The following RHPN2 variants were observed in gnomAD, a reference collection of about 807,000 sequenced individuals.
The protein encoded by RHPN2 is rhophilin-2.
A neutral mutation model predicts 79.0 loss-of-function variants in RHPN2; 40 were observed. The ratio of observed to expected loss-of-function variants is 0.51; its 90% confidence interval spans 0.39 to 0.66. RHPN2 has a LOEUF of 0.66. Among genes scored for constraint, RHPN2 ranks in the 30% least tolerant of loss-of-function variants. The probability of loss-of-function intolerance (pLI) is 0.00; values close to 1 mark genes in which losing one functional copy is unlikely to be tolerated. For synonymous variants in RHPN2, 285 were observed against 363.5 expected (o/e 0.78, Z 2.46); for missense variants, 686 against 883.5 (o/e 0.78, Z 2.83).
chr19:33,007,074 A>G (rs201752225), intron 7 of RHPN2, among the ~76,000 whole-genome samples: 13 of 149,994 alleles, frequency 8.7e-5, no homozygotes, highest in African/African-American at 2.0e-4. Context: ...TAAAATAACA[A>G]AAGACAGTTC....
intron 14 of RHPN2, among the ~76,000 whole-genome samples, chr19:32,985,119 C>G (rs1325365295): frequency 1.3e-5 from 2 of 152,004 alleles, no homozygotes; most frequent in Non-Finnish European, 2.9e-5. Context: ...CTGCCTTGGC[C>G]TCCCAAGTAG....
chr19:32,992,069 G>A, intron 12 of RHPN2, 100 bp from the exon 13 acceptor site: 1 of 1,369,178 alleles, frequency 7.3e-7, no homozygotes, highest in Non-Finnish European at 1.0e-6. Context: ...ATCTCACTTG[G>A]CCTTGTTCAG....
intron 1 of RHPN2, among the ~76,000 whole-genome samples, chr19:33,059,998 C>T (rs1972266174): frequency 6.6e-6 from 1 of 152,210 alleles, no homozygotes; most frequent in African/African-American, 2.4e-5. Flanking sequence ...GCCAGGGCGC[C>T]TGCATGGCTG....
At chr19:33,038,289 G>A (rs1198525147) in intron 2 of RHPN2, among the ~76,000 whole-genome samples, 3 of 147,254 alleles carry the variant, frequency 2.0e-5, no homozygotes, top group East Asian at 4.1e-4. Context: ...GCAACAGAGC[G>A]AGACTCCATC....
chr19:33,006,075 T>G (rs1277672713), intron 7 of RHPN2, among the ~76,000 whole-genome samples: 1 of 152,060 alleles, frequency 6.6e-6, no homozygotes, highest in Non-Finnish European at 1.5e-5. Context: ...AGATGGAGTT[T>G]CGCCTTGTTG....
Position 33,002,380 on chromosome 19 carries a change from T to G in RHPN2, c.972A>C (p.Leu324=), listed in dbSNP as rs111874996. 1.2e-5 allele frequency: 19 copies of G among 1,613,380 alleles called. 1 individual carries two copies. The South Asian group carries it at 2.0e-4, about 17-fold the overall frequency. Reference sequence around the variant, plus strand: ...CCGGCGCCTGGCTCATGGCTGCGTGTAGCTGTTGGTAGACCTCTCCCACCT... The same window carrying G: ...CCGGCGCCTGGCTCATGGCTGCGTGGAGCTGTTGGTAGACCTCTCCCACCT... ...AAKVGEVYQQ[L]HAAMSQAPVK... Residue 324 remains leucine (L), a synonymous_variant, in exon 9 of 15, where the codon CTA becomes CTC. Coordinates refer to ENST00000254260, the MANE Select transcript of RHPN2 (RefSeq NM_033103.5).
At chr19:33,018,962 C>T (rs1220550797) in intron 4 of RHPN2, among the ~76,000 whole-genome samples, 1 of 144,428 alleles carries the variant, frequency 6.9e-6, no homozygotes, top group African/African-American at 2.6e-5. Flanking sequence ...ACCTGGGAGG[C>T]GGAGGTTGCA....
At chr19:33,020,098 G>A (rs139184229) in intron 4 of RHPN2, among the ~76,000 whole-genome samples, 14 of 152,050 alleles carry the variant, frequency 9.2e-5, no homozygotes, top group Admixed American at 2.0e-4. Context: ...CAAAGGCCCC[G>A]CAGGCAGGGC....
At position 33,036,186 on chromosome 19, in the gene RHPN2, A is replaced by AT. The variant is rs530097897; in HGVS notation, c.185+8062dup. Reference sequence around the variant, plus strand: ...CAAAATATAGTAAGAAAGAAAATTAATTTTTTTTTTTTTTTTTGGTGACGG... The same window carrying AT: ...CAAAATATAGTAAGAAAGAAAATTAATTTTTTTTTTTTTTTTTTGGTGACGG... On this transcript the variant is annotated intron_variant, in intron 2 of 14. Transcript: ENST00000254260. Among the ~76,000 whole-genome samples, 1,021 of 139,656 alleles carry AT rather than the reference A, an allele frequency of 7.3e-3. 3 individuals are homozygous for AT. The highest frequency in any genetic ancestry group is 0.013 in the South Asian group (57 of 4,390). 91.6% of individuals were successfully genotyped at this position (139,656 alleles called of 152,430 possible). A position where few individuals can be genotyped will look rare whatever the true frequency, so the allele number is the denominator to read the frequency against.
At chr19:33,041,671 C>T (rs2145261117) in intron 2 of RHPN2, among the ~76,000 whole-genome samples, 1 of 152,320 alleles carries the variant, frequency 6.6e-6, no homozygotes, top group East Asian at 1.9e-4. Flanking sequence ...TCCCTGCTCA[C>T]AGGGGCCTCT....
At chr19:33,035,568 C>A (rs1001479225) in intron 2 of RHPN2, among the ~76,000 whole-genome samples, 2 of 152,118 alleles carry the variant, frequency 1.3e-5, no homozygotes, top group Admixed American at 1.3e-4. Context: ...TCAACCCTGG[C>A]GTCTGAGCTT....
At chr19:32,994,804 A>T (rs11665806) in intron 11 of RHPN2, among the ~76,000 whole-genome samples, 17,674 of 151,730 alleles carry the variant, frequency 0.12, 1,698 homozygotes, top group African/African-American at 0.27. Context: ...TCTACTAAAA[A>T]TACAAAAAAT....
chr19:33,012,520 T>G lies in RHPN2; in HGVS notation c.468+127A>C, dbSNP rs1971843435. 6.5e-6 allele frequency: 5 copies of G among 765,560 alleles called. No homozygotes were observed. The African/African-American group carries it at 6.8e-5, about 10-fold the overall frequency. The allele number at this position is 765,560 out of a possible 1,614,324, so 47.4% of individuals were successfully genotyped here. On this transcript the variant is annotated intron_variant, in intron 5 of 14. Coordinates refer to ENST00000254260, the MANE Select transcript of RHPN2 (RefSeq NM_033103.5). ...TTATGCAGCAAGTGGAATGGATGAT[T>G]CCAGCACCCCCCAACCATCACCTCT... is the stretch of plus-strand genomic sequence containing the variant.
At chr19:33,026,746 G>T in intron 2 of RHPN2, 114 bp from the exon 3 acceptor site, 1 of 1,288,422 alleles carries the variant, frequency 7.8e-7, no homozygotes, top group Non-Finnish European at 1.1e-6. Context: ...TTGCAGAGGA[G>T]GGCCAGGAGT....
At chr19:32,983,368 C>T (rs558569315) in intron 14 of RHPN2, among the ~76,000 whole-genome samples, 12 of 151,812 alleles carry the variant, frequency 7.9e-5, no homozygotes, top group African/African-American at 2.7e-4. Context: ...AAAAATTAGC[C>T]GGGCGTGGTG....
intron 3 of RHPN2, among the ~76,000 whole-genome samples, chr19:33,023,059 A>C (rs1364705719): frequency 1.3e-5 from 2 of 152,142 alleles, no homozygotes; most frequent in Non-Finnish European, 2.9e-5. Flanking sequence ...CATCTGCACC[A>C]TGAGGTTATT....
chr19:32,999,526 G>A lies in RHPN2; in HGVS notation c.1225+60C>T, dbSNP rs1971731332. 3.8e-6 allele frequency: 6 copies of A among 1,585,318 alleles called. No homozygotes were observed. In the Admixed American group the frequency reaches 8.5e-5, roughly 22 times the overall value. On this transcript the variant is annotated intron_variant, in intron 10 of 14. Coordinates refer to ENST00000254260, the MANE Select transcript of RHPN2 (RefSeq NM_033103.5). ...TTCAGGGACCTCTCTGTGGCTGGCT[G>A]TGAGCAGGACCAGCTGGGCACCAAG... is the stretch of plus-strand genomic sequence containing the variant.
Position 33,002,403 on chromosome 19 carries a change from C to A in RHPN2, c.949G>T (p.Val317Leu), listed in dbSNP as rs1404259146. The A allele has an allele frequency of 6.2e-7, 1 of 1,613,916 alleles. No individual in the cohort carries two copies. The highest frequency in any genetic ancestry group is 1.3e-5 in the African/African-American group (1 of 75,042). The change falls in exon 9 of 15, where the codon GTG becomes TTG. Residue 317 changes from valine to leucine, a missense_variant and splice_region_variant. Coordinates refer to ENST00000254260, the MANE Select transcript of RHPN2 (RefSeq NM_033103.5). ...LVKVAQEAAK[V>L]GEVYQQLHAA... ...TGTAGCTGTTGGTAGACCTCTCCCA[C>A]CTGAAATAGAAGGGACACTGGGAAG... is the stretch of plus-strand genomic sequence containing the variant.
At chr19:33,008,643 G>A (rs71351708) in intron 6 of RHPN2, among the ~76,000 whole-genome samples, 51,981 of 151,774 alleles carry the variant, frequency 0.34, 9,398 homozygotes, top group East Asian at 0.48. Context: ...GGTGGCGGGC[G>A]CCTGTAATCT....
Sources: gnomAD v4.1 joint callset for allele counts (sites outside exome capture counted in the v4.1 genomes callset) on GRCh38, gnomAD v4.1.1 for gene constraint, MANE v1.5 for transcripts, NCBI Gene and HGNC (gene_info 2026-07-23, HGNC 2026-07-21) for gene names.